The following HOXC6 variants were observed in gnomAD, a reference collection of about 807,000 sequenced individuals.
HOXC6 encodes homeobox C6.
Under a neutral mutation model 24.0 loss-of-function variants are expected in HOXC6, and 10 were observed. That is an observed-to-expected ratio of 0.42 (90% CI 0.26 to 0.71). The LOEUF (loss-of-function observed/expected upper bound fraction) is 0.71. Among genes scored for constraint, HOXC6 ranks in the 30% least tolerant of loss-of-function variants. The probability of loss-of-function intolerance (pLI) is 0.28; values close to 1 mark genes in which losing one functional copy is unlikely to be tolerated. For synonymous variants in HOXC6, 123 were observed against 128.1 expected (o/e 0.96, Z 0.27); for missense variants, 258 against 303.4 (o/e 0.85, Z 1.11).
chr12:54,019,383 G>T (rs1272632107), intron 1 of HOXC6, among the ~76,000 whole-genome samples: 1 of 152,202 alleles, frequency 6.6e-6, no homozygotes, highest in Non-Finnish European at 1.5e-5. Flanking sequence ...CGGCAGGCCG[G>T]AACCCGGAGT....
intron 1 of HOXC6, among the ~76,000 whole-genome samples, chr12:54,023,104 G>C (rs747476178): frequency 6.6e-5 from 10 of 152,176 alleles, no homozygotes; most frequent in Non-Finnish European, 1.0e-4. Flanking sequence ...AGATCACAGA[G>C]AGCTGTGTCC....
At chr12:54,029,058 C>T (rs952440673) in intron 1 of HOXC6, 137 bp downstream of exon 1, 3 of 849,364 alleles carry the variant, frequency 3.5e-6, no homozygotes, top group Admixed American at 2.9e-5. Flanking sequence ...CGAGACAGGG[C>T]CCCCTCTTCT....
chr12:54,027,697 G>A (rs1034431136), upstream of HOXC6, among the ~76,000 whole-genome samples: 7 of 151,998 alleles, frequency 4.6e-5, no homozygotes, highest in African/African-American at 1.7e-4. Context: ...CCCAACAGAG[G>A]GGTCCTGAGA....
chr12:54,020,152 C>G (rs1387100409), intron 1 of HOXC6: 1 of 152,268 alleles, frequency 6.6e-6, no homozygotes, highest in Non-Finnish European at 1.5e-5. Context: ...TCCCTGCTGA[C>G]GTGGTCCTTC....
At chr12:54,022,063 C>A (rs1252916103) in intron 1 of HOXC6, 1 of 152,280 alleles carries the variant, frequency 6.6e-6, no homozygotes, top group Non-Finnish European at 1.5e-5. Context: ...GGTGGACAGA[C>A]TTCTGAGCAG....
At chr12:54,029,632 G>T in intron 1 of HOXC6, 23 bp from the exon 2 acceptor site, 2 of 1,604,438 alleles carry the variant, frequency 1.2e-6, no homozygotes, top group Middle Eastern at 1.7e-4. Context: ...TGCTTTTAGT[G>T]TGTTTTGTGC....
At chr12:54,026,984 CT>C (rs1461636664), upstream of HOXC6, among the ~76,000 whole-genome samples, 1 of 147,228 alleles carries the variant, frequency 6.8e-6, no homozygotes, top group Non-Finnish European at 1.5e-5. Flanking sequence ...GGGATATGAG[CT>C]TTCTCTGCTC....
At chr12:54,021,590 C>G (rs1482905353) in intron 1 of HOXC6, 3 of 152,248 alleles carry the variant, frequency 2.0e-5, no homozygotes, top group Non-Finnish European at 4.4e-5. Flanking sequence ...TCTAGGTGAT[C>G]GGGTTCCTCC....
At chr12:54,023,635 C>T (rs1383232225), upstream of HOXC6, among the ~76,000 whole-genome samples, 2 of 152,128 alleles carry the variant, frequency 1.3e-5, no homozygotes, top group African/African-American at 4.8e-5. Context: ...CCTGCTGATC[C>T]CCAGCTCCCT....
chr12:54,023,768 C>T (rs1183958311), upstream of HOXC6, among the ~76,000 whole-genome samples: 7 of 152,100 alleles, frequency 4.6e-5, no homozygotes, highest in Non-Finnish European at 1.0e-4. Context: ...AGGAGTGTAC[C>T]TTTTTGGAAT....
chr12:54,019,391 A>T (rs1177662812), intron 1 of HOXC6, among the ~76,000 whole-genome samples: 2 of 152,096 alleles, frequency 1.3e-5, no homozygotes, highest in African/African-American at 4.8e-5. Context: ...CGGAACCCGG[A>T]GTCTGTGGGA....
In HOXC6 at chr12:54,019,495, C is replaced by T. The variant is rs551884357; in HGVS notation, c.-193+2081C>T. 4.6e-5 allele frequency among the ~76,000 whole-genome samples: 7 copies of T among 152,220 alleles called. No homozygotes were observed. In the East Asian group the frequency reaches 1.4e-3, roughly 30 times the overall value. On this transcript the variant is annotated intron_variant, in intron 1 of 2. Coordinates refer to the HOXC6 transcript ENST00000394331. Reference sequence around the variant, plus strand: ...TCTCCTGGAGTAATGTGGGAATCGCCGACCGGTGAGGCCTCTATTTCTCTC... The same window carrying T: ...TCTCCTGGAGTAATGTGGGAATCGCTGACCGGTGAGGCCTCTATTTCTCTC...
upstream of HOXC6, among the ~76,000 whole-genome samples, chr12:54,026,127 G>A (rs557325987): frequency 6.6e-6 from 1 of 152,232 alleles, no homozygotes; most frequent in South Asian, 2.1e-4. Context: ...AAATTGGAGG[G>A]GGGGACAGAG....
At chr12:54,025,696 C>CCT (rs1592227568), upstream of HOXC6, among the ~76,000 whole-genome samples, 9 of 152,092 alleles carry the variant, frequency 5.9e-5, no homozygotes, top group Admixed American at 5.9e-4. Flanking sequence ...CAGTCTCTGC[C>CCT]CTCTGTTTAG....
At chr12:54,029,061 C>T (rs1940864029) in intron 1 of HOXC6, 140 bp downstream of exon 1, 2 of 820,292 alleles carry the variant, frequency 2.4e-6, no homozygotes, top group South Asian at 1.9e-5. Flanking sequence ...GACAGGGCCC[C>T]CTCTTCTGCC....
upstream of HOXC6, among the ~76,000 whole-genome samples, chr12:54,024,359 A>C (rs894737): frequency 0.29 from 44,608 of 152,014 alleles, 7,375 homozygotes; most frequent in East Asian, 0.44. Context: ...GAGCAGCCTC[A>C]GGAGGCACCG....
chr12:54,019,558 G>A (rs1940334962), intron 1 of HOXC6, among the ~76,000 whole-genome samples: 1 of 152,172 alleles, frequency 6.6e-6, no homozygotes, highest in South Asian at 2.1e-4. Flanking sequence ...CCCTGTGGAT[G>A]GCCGCTGATG....
At chr12:54,025,642 A>G (rs545711072), upstream of HOXC6, among the ~76,000 whole-genome samples, 2 of 150,694 alleles carry the variant, frequency 1.3e-5, no homozygotes, top group East Asian at 3.9e-4. Context: ...TGCCTTTTTC[A>G]CCCAGCAGCT....
upstream of HOXC6, among the ~76,000 whole-genome samples, chr12:54,024,447 C>T (rs1208417054): frequency 2.0e-5 from 3 of 152,240 alleles, no homozygotes; most frequent in African/African-American, 4.8e-5. Flanking sequence ...CAAACATCCG[C>T]GCAGAGTTAG....
Sources: allele counts gnomAD v4.1 joint callset (sites outside exome capture counted in the v4.1 genomes callset), GRCh38; gene constraint gnomAD v4.1.1; transcripts MANE v1.5; gene names NCBI Gene and HGNC (gene_info 2026-07-23, HGNC 2026-07-21).